The following ZSWIM7 variants were observed in gnomAD, a reference collection of about 807,000 sequenced individuals.
ZSWIM7 encodes the protein zinc finger SWIM-type containing 7, also known as zinc finger SWIM domain-containing protein 7.
ZSWIM7 carries 22 observed loss-of-function variants against 21.1 expected under a neutral mutation model. The observed-to-expected ratio is 1.04, with a 90% CI of 0.74 to 1.49. The LOEUF (loss-of-function observed/expected upper bound fraction) is 1.49, where lower values mean the gene tolerates loss of function less well. Among genes scored for constraint, ZSWIM7 ranks in the 40% most tolerant of loss-of-function variants. ZSWIM7 has a pLI of 0.00. For missense variants in ZSWIM7, 193 were observed against 168.0 expected (o/e 1.15, Z -0.82); for synonymous variants, 67 against 66.5 (o/e 1.01, Z -0.04).
At chr17:15,978,342 C>T (rs1289735360) in intron 4 of ZSWIM7, among the ~76,000 whole-genome samples, 179 bp from the exon 5 acceptor site, 2 of 152,084 alleles carry the variant, frequency 1.3e-5, no homozygotes, top group Non-Finnish European at 2.9e-5. Flanking sequence ...TCACACCTGT[C>T]ATCCCAGCAC....
intron 2 of ZSWIM7, 126 bp from the exon 3 acceptor site, chr17:15,987,494 A>C (rs1970428311): frequency 1.3e-6 from 1 of 769,864 alleles, no homozygotes; most frequent in East Asian, 2.7e-5. Context: ...AAGGAAAATA[A>C]TACAGCAAAA....
Position 15,985,845 on chromosome 17 carries a change from G to T in ZSWIM7, c.201+1421C>A, listed in dbSNP as rs116722252. On this transcript the variant is annotated intron_variant, in intron 3 of 4. Transcript: ENST00000399277. ...TAAAAGCAATGGGAAAAACTTGAAG[G>T]TCCCTCTAGTTTCGGGTATTTTAGC... Among the ~76,000 whole-genome samples the T allele has an allele frequency of 3.3e-3, 499 of 152,246 alleles. 2 individuals carry two copies. The highest frequency in any genetic ancestry group is 0.011 in the African/African-American group (474 of 41,546).
In ZSWIM7 at chr17:15,983,869, G is replaced by A. The variant is rs935670942; in HGVS notation, c.202-2725C>T. 1.2e-4 allele frequency among the ~76,000 whole-genome samples: 19 copies of A among 152,260 alleles called. No individual in the cohort carries two copies. The South Asian group carries it at 2.7e-3, about 22-fold the overall frequency. On this transcript the variant is annotated intron_variant, in intron 3 of 4. Transcript: ENST00000399277. ...CCCAAACTGCTAGGATTCCAAGCAT[G>A]AACCACCACTCCCGGCCTATAATTC... is the stretch of plus-strand genomic sequence containing the variant.
chr17:15,991,097 GAC>G (rs1374733667), intron 2 of ZSWIM7: 2 of 151,616 alleles, frequency 1.3e-5, no homozygotes, highest in Admixed American at 1.3e-4. Context: ...GACAGAGTGA[GAC>G]ACTGTCTGAA....
At chr17:15,991,365 T>C (rs1250932690) in intron 2 of ZSWIM7, among the ~76,000 whole-genome samples, 2 of 152,180 alleles carry the variant, frequency 1.3e-5, no homozygotes, top group Non-Finnish European at 2.9e-5. Flanking sequence ...CATCTATAAT[T>C]ACTTCCTGGG....
chr17:15,999,388 A>C (rs1446449883), intron 1 of ZSWIM7, 131 bp downstream of exon 1: 3 of 1,137,338 alleles, frequency 2.6e-6, no homozygotes, highest in South Asian at 1.3e-5. Context: ...TACGAACAAG[A>C]GGTTTAGAGA....
intron 1 of ZSWIM7, among the ~76,000 whole-genome samples, chr17:15,994,569 T>G (rs1375301463): frequency 6.6e-6 from 1 of 152,184 alleles, no homozygotes; most frequent in East Asian, 1.9e-4. Flanking sequence ...CAGCTTTAGG[T>G]GACTGCCTTT....
chr17:15,978,648 T>G (rs2151617574), intron 4 of ZSWIM7, among the ~76,000 whole-genome samples: 1 of 152,284 alleles, frequency 6.6e-6, no homozygotes, highest in Admixed American at 6.5e-5. Context: ...AGGAGTATTC[T>G]CTTTAGAAAT....
Position 15,977,787 on chromosome 17 carries a change from G to A in ZSWIM7, c.*260C>T, listed in dbSNP as rs993157183. 4 of 326,440 alleles carry A rather than the reference G, an allele frequency of 1.2e-5. No homozygotes were observed. The highest frequency in any genetic ancestry group is 2.3e-5 in the Non-Finnish European group (4 of 174,222). The allele number at this position is 326,440 out of a possible 1,614,324, so 20.2% of individuals were successfully genotyped here. ...AATTTAAAATCTTGATTCCATCCAG[G>A]GACATTTTTTACCGAAGCGTCTCAG... On this transcript the variant is annotated 3_prime_UTR_variant, in exon 5 of 5. Coordinates refer to ENST00000399277, the MANE Select transcript of ZSWIM7 (RefSeq NM_001042697.2).
At chr17:15,984,991 CTTA>C (rs764863335) in intron 3 of ZSWIM7, among the ~76,000 whole-genome samples, 2 of 152,098 alleles carry the variant, frequency 1.3e-5, no homozygotes, top group Admixed American at 1.3e-4. Context: ...AAACATCCTC[CTTA>C]TTAAGTGAAT....
chr17:15,999,521 C>T lies in ZSWIM7; in HGVS notation c.74G>A (p.Arg25Gln), dbSNP rs544159811. The change falls in exon 1 of 5, where the codon CGA (arginine) becomes CAA (glutamine). Residue 25 changes from arginine to glutamine, a missense_variant and splice_region_variant. Arg to Gln is a conservative substitution (Grantham distance 43, BLOSUM62 1). Transcript: ENST00000399277. The stretch of plus-strand genomic sequence containing the variant: ...CACACACGACCTCGGTCCCGTACTT[C>T]GCGCGCTCTCCTGCACCGCCGCCGC... The part of the protein sequence containing the change: ...EMAAAVQESA[R>Q]IPDEYLLSLK... The T allele has an allele frequency of 5.6e-5, 89 of 1,600,106 alleles. No homozygotes were observed. The highest frequency in any genetic ancestry group is 3.0e-4 in the South Asian group (27 of 90,646).
chr17:15,991,868 C>T (rs79657204), intron 2 of ZSWIM7, among the ~76,000 whole-genome samples: 4,789 of 151,238 alleles, frequency 0.032, 255 homozygotes, highest in African/African-American at 0.11. Context: ...CAGCCTGGAA[C>T]TTCAGGGCTC....
intron 1 of ZSWIM7, among the ~76,000 whole-genome samples, chr17:15,995,719 T>A (rs2151631950): frequency 6.6e-6 from 1 of 151,120 alleles, no homozygotes; most frequent in East Asian, 2.0e-4. Flanking sequence ...ACAGAGGACA[T>A]CCAGTAACTT....
At chr17:15,986,517 T>C (rs1276253525) in intron 3 of ZSWIM7, among the ~76,000 whole-genome samples, 1 of 151,822 alleles carries the variant, frequency 6.6e-6, no homozygotes, top group African/African-American at 2.4e-5. Context: ...TCCTAGCACT[T>C]TGGGAGGCTG....
At chr17:15,989,592 A>ACAGGTGTGAGC (rs1970456480) in intron 2 of ZSWIM7, among the ~76,000 whole-genome samples, 1 of 152,038 alleles carries the variant, frequency 6.6e-6, no homozygotes, top group African/African-American at 2.4e-5. Context: ...TGCTGGGGTT[A>ACAGGTGTGAGC]CAGGTGTGAG....
intron 4 of ZSWIM7, among the ~76,000 whole-genome samples, chr17:15,978,598 AAAAT>A (rs1033269500): frequency 3.3e-5 from 5 of 152,202 alleles, no homozygotes; most frequent in Admixed American, 2.6e-4. Context: ...ACTGTCTCAA[AAAAT>A]AAATAAATAA....
Position 15,976,854 on chromosome 17 carries a change from T to C in ZSWIM7, c.*1193A>G, listed in dbSNP as rs1970283625. 7 of 152,170 alleles carry C rather than the reference T, an allele frequency of 4.6e-5. No individual in the cohort carries two copies. The highest frequency in any genetic ancestry group is 3.3e-4 in the Admixed American group (5 of 15,282). 9.4% of individuals were successfully genotyped at this position (152,170 alleles called of 1,614,324 possible). A position where few individuals can be genotyped will look rare whatever the true frequency, so the allele number is the denominator to read the frequency against. Reference sequence around the variant, plus strand: ...GAATTCCTGTCCTTCTAGGATCCTCTTCTGGCTGTGGGCAGCTTTACCATA... The same window carrying C: ...GAATTCCTGTCCTTCTAGGATCCTCCTCTGGCTGTGGGCAGCTTTACCATA... On this transcript the variant is annotated 3_prime_UTR_variant, in exon 5 of 5. Transcript: ENST00000399277.
intron 2 of ZSWIM7, among the ~76,000 whole-genome samples, chr17:15,992,017 C>G (rs1483388374): frequency 6.6e-6 from 1 of 151,512 alleles, no homozygotes; most frequent in Non-Finnish European, 1.5e-5. Context: ...ACCTCTGTCT[C>G]CTGGGTTCAA....
intron 1 of ZSWIM7, among the ~76,000 whole-genome samples, chr17:15,997,783 T>C (rs1283860251): frequency 1.3e-5 from 2 of 152,198 alleles, no homozygotes; most frequent in African/African-American, 4.8e-5. Context: ...TCAATGTGTC[T>C]TGTGAACCTT....
Sources: gnomAD v4.1 joint callset for allele counts (sites outside exome capture counted in the v4.1 genomes callset) on GRCh38, gnomAD v4.1.1 for gene constraint, MANE v1.5 for transcripts, NCBI Gene and HGNC (gene_info 2026-07-23, HGNC 2026-07-21) for gene names.